TBC1D4: variants seen among roughly 807,000 people sequenced by gnomAD.
TBC1D4 encodes TBC (Tre-2, BUB2, CDC16) domain-containing protein.
TBC1D4 carries 121 observed loss-of-function variants against 142.5 expected under a neutral mutation model. That is an observed-to-expected ratio of 0.85 (90% CI 0.73 to 0.99). The LOEUF (loss-of-function observed/expected upper bound fraction) is 0.99. Ranked by LOEUF, TBC1D4 falls within the 50% of genes least tolerant of loss-of-function variation. The pLI, the probability that TBC1D4 is intolerant of heterozygous loss-of-function variation, is 0.00. For synonymous variants in TBC1D4, 630 were observed against 628.2 expected, an observed-to-expected ratio of 1.00 and a Z score of -0.04; for missense variants, 1,475 against 1,606.6, an observed-to-expected ratio of 0.92 and a Z score of 1.40.
At chr13:75,408,134 C>A (rs909474666) in intron 1 of TBC1D4, among the ~76,000 whole-genome samples, 3 of 152,114 alleles carry the variant, frequency 2.0e-5, no homozygotes, top group African/African-American at 7.2e-5. Context: ...CCCCCTTCCC[C>A]CAAACACTGA....
intron 1 of TBC1D4, among the ~76,000 whole-genome samples, chr13:75,446,910 T>C (rs1045649693): frequency 5.3e-5 from 8 of 151,968 alleles, no homozygotes; most frequent in Non-Finnish European, 1.0e-4. Context: ...TCAGCAGGAA[T>C]TGTGGTGGCC....
intron 1 of TBC1D4, among the ~76,000 whole-genome samples, chr13:75,453,730 C>A (rs1887618457): frequency 6.6e-6 from 1 of 151,880 alleles, no homozygotes; most frequent in African/African-American, 2.4e-5. Flanking sequence ...GGGGTGGTGG[C>A]ATGTGCCTGT....
chr13:75,357,849 C>G (rs1198632056), intron 3 of TBC1D4, among the ~76,000 whole-genome samples: 1 of 152,184 alleles, frequency 6.6e-6, no homozygotes, highest in African/African-American at 2.4e-5. Flanking sequence ...AAAGGCAGGG[C>G]TTTCCACAAA....
At chr13:75,421,645 T>C (rs1886173488) in intron 1 of TBC1D4, among the ~76,000 whole-genome samples, 1 of 152,048 alleles carries the variant, frequency 6.6e-6, no homozygotes, top group Non-Finnish European at 1.5e-5. Context: ...AAACCTGAAA[T>C]GAAGCGGCAT....
At chr13:75,357,604 T>C (rs1241083269) in intron 3 of TBC1D4, among the ~76,000 whole-genome samples, 1 of 152,230 alleles carries the variant, frequency 6.6e-6, no homozygotes, top group African/African-American at 2.4e-5. Context: ...CGGAGAGTCC[T>C]GAGGCAATGG....
intron 1 of TBC1D4, among the ~76,000 whole-genome samples, chr13:75,374,655 T>G (rs914118805): frequency 2.5e-4 from 38 of 152,302 alleles, no homozygotes; most frequent in Admixed American, 2.5e-3. Flanking sequence ...TAATGGGGCC[T>G]GAAATAATTT....
At position 75,289,057 on chromosome 13, in the gene TBC1D4, A is replaced by G. The variant is rs760320477; in HGVS notation, c.3540T>C (p.His1180=). ...KQLHAYEVEY[H]VLQDELQESS... ...ATTCCTGAAGCTCATCCTGTAGCAC[A>G]TGATATTCCACCTCATAGGCATGCA... The change falls in exon 20 of 21, where the codon CAT becomes CAC. Residue 1180 remains histidine, a synonymous_variant. Transcript: ENST00000377636. 1.2e-6 allele frequency: 2 copies of G among 1,613,974 alleles called. No individual in the cohort carries two copies. Among genetic ancestry groups the G allele is most frequent in the Admixed American group, 1.7e-5 (1 of 59,986 alleles).
intron 1 of TBC1D4, among the ~76,000 whole-genome samples, chr13:75,419,122 T>A (rs570849700): frequency 6.6e-6 from 1 of 152,344 alleles, no homozygotes; most frequent in South Asian, 2.1e-4. Context: ...CTCAGGGTAC[T>A]TTTACAGTAA....
At chr13:75,468,170 T>C (rs1001765962) in intron 1 of TBC1D4, among the ~76,000 whole-genome samples, 2 of 152,210 alleles carry the variant, frequency 1.3e-5, no homozygotes, top group Admixed American at 1.3e-4. Flanking sequence ...TCTGGATTTT[T>C]CATGTTACAT....
At position 75,286,999 on chromosome 13, in the gene TBC1D4, C is replaced by G. The variant is rs749619931; in HGVS notation, c.3690G>C (p.Leu1230Phe). 2 of 1,613,052 alleles carry G rather than the reference C, an allele frequency of 1.2e-6. No individual in the cohort carries two copies. The highest frequency in any genetic ancestry group is 4.5e-5 in the East Asian group (2 of 44,890). Residue 1230 changes from leucine to phenylalanine, a missense_variant, in exon 21 of 21, where the codon TTG (leucine) becomes TTC (phenylalanine). Leu to Phe is a conservative substitution (Grantham distance 22). Coordinates refer to ENST00000377636, the MANE Select transcript of TBC1D4 (RefSeq NM_014832.5). ...TCAAAAGATTTTCCAGGTTTGATTC[C>G]AAGGCCTGGATTTTAGTATGAGCTA... ...LQVAHTKIQALESNLENLLTR... is the reference protein window; with the variant it reads ...LQVAHTKIQAFESNLENLLTR...
intron 14 of TBC1D4, among the ~76,000 whole-genome samples, chr13:75,308,251 T>C (rs1566361743): frequency 6.6e-6 from 1 of 152,246 alleles, no homozygotes; most frequent in African/African-American, 2.4e-5. Flanking sequence ...AAATGTCACC[T>C]CCTTTCTTAA....
chr13:75,305,449 T>C lies in TBC1D4; in HGVS notation c.2752+864A>G, dbSNP rs150053665. ...CTCATAGACATTCTGTTAACCATTA[T>C]TGTGTCTCCCAAATAAAGCATTCAG... On this transcript the variant is annotated intron_variant, in intron 15 of 20. Transcript: ENST00000377636. 2.0e-3 allele frequency among the ~76,000 whole-genome samples: 312 copies of C among 152,364 alleles called. 3 individuals are homozygous for C. Among genetic ancestry groups the C allele is most frequent in the Admixed American group, 5.7e-3 (87 of 15,306 alleles).
intron 14 of TBC1D4, among the ~76,000 whole-genome samples, chr13:75,307,203 C>T (rs1877271086): frequency 6.6e-6 from 1 of 152,170 alleles, no homozygotes; most frequent in Admixed American, 6.5e-5. Flanking sequence ...CTCAAGCAAT[C>T]CTCCTACCTC....
intron 1 of TBC1D4, among the ~76,000 whole-genome samples, chr13:75,391,158 C>T (rs1884465545): frequency 6.9e-6 from 1 of 144,158 alleles, no homozygotes; most frequent in African/African-American, 2.6e-5. Flanking sequence ...TCTACAACAT[C>T]AGTTTTTCCT....
rs1183034374 is a variant in TBC1D4 at position 75,362,923 on chromosome 13, T to C, written c.499-316A>G. Among the ~76,000 whole-genome samples, 1 of 152,206 alleles carries C rather than the reference T, an allele frequency of 6.6e-6. No homozygotes were observed. The highest frequency in any genetic ancestry group is 1.5e-5 in the Non-Finnish European group (1 of 68,032). ...TGTCATAATATGTCTTTTGATTGTG[T>C]TTAAAAGTTATTTGTGCCTCAGCTG... On this transcript the variant is annotated intron_variant, in intron 1 of 20. Transcript: ENST00000377636. The surrounding 1 kb of genome is among the most constrained non-coding windows in gnomAD (Gnocchi z 4.2).
intron 1 of TBC1D4, among the ~76,000 whole-genome samples, chr13:75,398,049 G>A (rs1384519103): frequency 1.3e-5 from 2 of 152,176 alleles, no homozygotes; most frequent in Non-Finnish European, 2.9e-5. Flanking sequence ...AGGCCAAATG[G>A]AGAGAAAGAG....
intron 17 of TBC1D4, 112 bp from the exon 18 acceptor site, chr13:75,295,125 T>C: frequency 3.1e-6 from 3 of 966,728 alleles, no homozygotes; most frequent in Non-Finnish European, 4.6e-6. Flanking sequence ...CATATATAAG[T>C]AGTATTACTT....
At chr13:75,479,367 C>G (rs962011519) in intron 1 of TBC1D4, among the ~76,000 whole-genome samples, 1 of 152,162 alleles carries the variant, frequency 6.6e-6, no homozygotes, top group Non-Finnish European at 1.5e-5. Context: ...AGTCATATGA[C>G]TACCACTGCT....
intron 1 of TBC1D4, among the ~76,000 whole-genome samples, chr13:75,368,310 C>T (rs9543910): frequency 0.81 from 122,710 of 152,120 alleles, 49,931 homozygotes; most frequent in African/African-American, 0.92. Context: ...AGGAAAAGAA[C>T]GAGATTACAA....
Sources: allele counts gnomAD v4.1 joint callset (sites outside exome capture counted in the v4.1 genomes callset), GRCh38; gene constraint gnomAD v4.1.1; non-coding constraint Gnocchi (gnomAD v3.1); transcripts MANE v1.5; gene names NCBI Gene and HGNC (gene_info 2026-07-23, HGNC 2026-07-21).